Variants in DENND4C observed in about 807,000 individuals in gnomAD.
DENND4C encodes DENN domain-containing protein 4C.
DENND4C carries 108 observed loss-of-function variants against 203.0 expected under a neutral mutation model. The observed-to-expected ratio is 0.53, with a 90% CI of 0.46 to 0.62. The LOEUF (loss-of-function observed/expected upper bound fraction) is 0.62, where lower values mean the gene tolerates loss of function less well. Ranked by LOEUF, DENND4C falls within the 20% of genes least tolerant of loss-of-function variation. DENND4C has a pLI of 0.00. For missense variants in DENND4C, 2,481 were observed against 2,301.2 expected, an observed-to-expected ratio of 1.08 and a Z score of -1.60; for synonymous variants, 871 against 792.4, an observed-to-expected ratio of 1.10 and a Z score of -1.67.
chr9:19,342,084 A>G (rs1015573357), intron 21 of DENND4C, among the ~76,000 whole-genome samples: 2 of 142,418 alleles, frequency 1.4e-5, no homozygotes, highest in African/African-American at 2.7e-5. Flanking sequence ...ATATTGTGCC[A>G]TTGCACTCTA....
chr9:19,268,203 C>T (rs1165380957), intron 1 of DENND4C, among the ~76,000 whole-genome samples: 1 of 151,854 alleles, frequency 6.6e-6, no homozygotes, highest in African/African-American at 2.4e-5. Context: ...CGGCTTAAGC[C>T]ATCCCTGCAC....
At chr9:19,288,778 C>T in intron 4 of DENND4C, 113 bp downstream of exon 4, 1 of 506,024 alleles carries the variant, frequency 2.0e-6, no homozygotes, top group Non-Finnish European at 3.1e-6. Context: ...TTGATCTATT[C>T]ATAAAATTAT....
intron 7 of DENND4C, among the ~76,000 whole-genome samples, 164 bp downstream of exon 7, chr9:19,298,286 G>A (rs1013094361): frequency 2.6e-5 from 4 of 151,936 alleles, no homozygotes; most frequent in Admixed American, 1.3e-4. Context: ...TTTCTTACTG[G>A]GTTTTGGATT....
At chr9:19,299,326 G>A in intron 8 of DENND4C, 39 bp downstream of exon 8, 1 of 1,357,032 alleles carries the variant, frequency 7.4e-7, no homozygotes. Flanking sequence ...TTATTCAGTT[G>A]GAGCAGAATG....
chr9:19,353,041 TAGG>T (rs1588974298), intron 26 of DENND4C, among the ~76,000 whole-genome samples: 1 of 152,068 alleles, frequency 6.6e-6, no homozygotes, highest in East Asian at 1.9e-4. Context: ...AAGGCTGACA[TAGG>T]AGGATCGCGT....
chr9:19,372,709 A>G lies in DENND4C; in HGVS notation c.*536A>G, dbSNP rs958008505. The G allele has an allele frequency of 3.3e-5, 5 of 152,386 alleles. No homozygotes were observed. Among genetic ancestry groups the G allele is most frequent in the African/African-American group, 1.2e-4 (5 of 41,390 alleles). 9.4% of individuals were successfully genotyped at this position (152,386 alleles called of 1,614,324 possible). The stretch of plus-strand genomic sequence containing the variant: ...GCCAACACGGTGAGACCCTGTCTTT[A>G]CTAAAAATACAAAAATTAGCCAGGC... On this transcript the variant is annotated 3_prime_UTR_variant, in exon 33 of 33. Coordinates refer to ENST00000434457, the MANE Select transcript of DENND4C (RefSeq NM_001330640.2).
intron 2 of DENND4C, among the ~76,000 whole-genome samples, chr9:19,280,304 G>A (rs1251982676): frequency 1.3e-5 from 2 of 151,764 alleles, no homozygotes; most frequent in Non-Finnish European, 2.9e-5. Flanking sequence ...CCACCACCAC[G>A]CCCAGCTAAC....
Position 19,336,431 on chromosome 9 carries a change from G to C in DENND4C, c.2734+17G>C, listed in dbSNP as rs768255146. 1 of 1,603,916 alleles carries C rather than the reference G, an allele frequency of 6.2e-7. No individual in the cohort carries two copies. The highest frequency in any genetic ancestry group is 8.5e-7 in the Non-Finnish European group (1 of 1,176,160). ...CAATATCAGGTAATACATGTGATTA[G>C]AAATATAATTCCTTACTGAACCATG... On this transcript the variant is annotated intron_variant, in intron 19 of 32. Transcript: ENST00000434457.
chr9:19,310,208 A>G (rs1370121208), intron 10 of DENND4C, among the ~76,000 whole-genome samples: 1 of 152,284 alleles, frequency 6.6e-6, no homozygotes, highest in East Asian at 1.9e-4. Context: ...ACATTTCTCT[A>G]CTTACACTAT....
intron 1 of DENND4C, among the ~76,000 whole-genome samples, chr9:19,268,461 C>G (rs988528376): frequency 6.6e-6 from 1 of 152,162 alleles, no homozygotes; most frequent in Non-Finnish European, 1.5e-5. Flanking sequence ...GAGTAGTTTA[C>G]ACACCAGAAT....
chr9:19,269,168 C>T (rs546478016), intron 1 of DENND4C, among the ~76,000 whole-genome samples: 1 of 151,628 alleles, frequency 6.6e-6, no homozygotes. Flanking sequence ...TTCTTTCTTT[C>T]TTTTTTGTTT....
At chr9:19,354,887 CCTATTTTTTTTTTCTTTTTTGG>C (rs1825034790) in intron 26 of DENND4C, among the ~76,000 whole-genome samples, 2 of 150,290 alleles carry the variant, frequency 1.3e-5, no homozygotes, top group African/African-American at 4.9e-5. Context: ...ATGTTCATTG[CCTATTTTTTTTTTCTTTTTTGG>C]CTGTTTGTTT....
At chr9:19,311,759 A>T (rs1434472826) in intron 10 of DENND4C, among the ~76,000 whole-genome samples, 1 of 152,186 alleles carries the variant, frequency 6.6e-6, no homozygotes, top group Non-Finnish European at 1.5e-5. Context: ...AAAAAAATTC[A>T]AAATGAAATG....
chr9:19,352,032 C>T (rs369930771), intron 24 of DENND4C, 41 bp from the exon 25 acceptor site: 678 of 1,542,278 alleles, frequency 4.4e-4, no homozygotes, highest in Non-Finnish European at 5.6e-4. Flanking sequence ...AAAACAAGGA[C>T]ATTCCTTACT....
Position 19,360,311 on chromosome 9 carries a change from G to T in DENND4C, c.5228G>T (p.Arg1743Leu). The T allele has an allele frequency of 1.2e-6, 2 of 1,613,956 alleles. No individual in the cohort carries two copies. Among genetic ancestry groups the T allele is most frequent in the African/African-American group, 1.3e-5 (1 of 75,006 alleles). Residue 1743 changes from arginine to leucine, a missense_variant, in exon 29 of 33, where the codon CGT (arginine) becomes CTT (leucine). Physicochemically the swap from Arg to Leu is moderately radical, Grantham distance 102. This residue lies in a region of DENND4C where 2,289 missense variants were observed against 2,113.3 expected (regional missense o/e 1.08). Transcript: ENST00000434457. ...SVPYLSPLVL[R>L]KELESLLENE... ...CCCTACTTGAGTCCTCTAGTACTCCGTAAAGAACTTGAATCTTTGCTAGAA... is the reference window on the plus strand; with the variant it reads ...CCCTACTTGAGTCCTCTAGTACTCCTTAAAGAACTTGAATCTTTGCTAGAA...
chr9:19,368,066 T>C (rs1828046371), intron 30 of DENND4C, among the ~76,000 whole-genome samples: 1 of 152,218 alleles, frequency 6.6e-6, no homozygotes, highest in Non-Finnish European at 1.5e-5. Context: ...TTCATGAATA[T>C]ACTAAAAACC....
intron 1 of DENND4C, among the ~76,000 whole-genome samples, chr9:19,249,776 G>C (rs1195684639): frequency 1.3e-5 from 2 of 152,122 alleles, no homozygotes; most frequent in Non-Finnish European, 2.9e-5. Context: ...TCTTGCCTCA[G>C]CCTCCTGTGT....
chr9:19,295,552 G>T (rs1837268185), intron 5 of DENND4C, among the ~76,000 whole-genome samples: 2 of 151,594 alleles, frequency 1.3e-5, no homozygotes, highest in African/African-American at 4.9e-5. Context: ...GCACATGCCT[G>T]TAATGCCAGC....
At chr9:19,318,995 C>G (rs977694474) in intron 12 of DENND4C, among the ~76,000 whole-genome samples, 1 of 151,740 alleles carries the variant, frequency 6.6e-6, no homozygotes. Flanking sequence ...ATGGCAAAAC[C>G]CTGTCTCTAC....
Sources: allele counts gnomAD v4.1 joint callset (sites outside exome capture counted in the v4.1 genomes callset), GRCh38; gene constraint gnomAD v4.1.1; regional missense constraint gnomAD v4.1.1; transcripts MANE v1.5; gene names NCBI Gene and HGNC (gene_info 2026-07-23, HGNC 2026-07-21).